The following ELOVL7 variants were observed in gnomAD, a reference collection of about 807,000 sequenced individuals.
ELOVL7 encodes very long chain fatty acid elongase 7.
Under a neutral mutation model 35.7 loss-of-function variants are expected in ELOVL7, and 27 were observed. That is an observed-to-expected ratio of 0.76 (90% CI 0.56 to 1.04). ELOVL7 has a LOEUF of 1.04. Among genes scored for constraint, ELOVL7 ranks in the 50% least tolerant of loss-of-function variants. The pLI is 0.00. For missense variants in ELOVL7, 327 were observed against 340.8 expected (o/e 0.96, Z 0.32); for synonymous variants, 113 against 114.6 (o/e 0.99, Z 0.09).
intron 1 of ELOVL7, among the ~76,000 whole-genome samples, chr5:60,807,447 T>C (rs1579887506): frequency 6.7e-6 from 1 of 148,866 alleles, no homozygotes; most frequent in South Asian, 2.1e-4. Flanking sequence ...TCAAAAACAC[T>C]GAGGGAAAGA....
intron 1 of ELOVL7, among the ~76,000 whole-genome samples, chr5:60,835,069 A>G (rs1162009299): frequency 1.3e-5 from 2 of 151,442 alleles, no homozygotes; most frequent in African/African-American, 4.9e-5. Flanking sequence ...ACACACCCGT[A>G]GTCCCAGTTA....
rs552024438 is a variant in ELOVL7, at chr5:60,816,503, TA to T, written c.-85-17274del. On this transcript the variant is annotated intron_variant, in intron 1 of 8. Transcript: ENST00000508821. ...AGGTGAACTCCTGGAGGGCAAAGAATAAATGTTATTTACCTATACCCCACCA... is the reference window on the plus strand; with the variant it reads ...AGGTGAACTCCTGGAGGGCAAAGAATAATGTTATTTACCTATACCCCACCA... Among the ~76,000 whole-genome samples the T allele has an allele frequency of 5.9e-5, 9 of 152,282 alleles. 1 individual carries two copies. In the South Asian group the frequency reaches 1.9e-3, roughly 32 times the overall value.
chr5:60,813,030 C>T lies in ELOVL7; in HGVS notation c.-85-13800G>A, dbSNP rs550750167. ...CTAACCTTTCATCCATGCCAGAGTC[C>T]ATTTTCTCCAACTGCCAATAAACAT... On this transcript the variant is annotated intron_variant, in intron 1 of 8. Transcript: ENST00000508821. Among the ~76,000 whole-genome samples, 4 of 152,270 alleles carry T rather than the reference C, an allele frequency of 2.6e-5. No individual in the cohort carries two copies. The South Asian group carries it at 8.3e-4, about 32-fold the overall frequency.
At chr5:60,794,312 A>G (rs1744115391) in intron 2 of ELOVL7, among the ~76,000 whole-genome samples, 1 of 152,246 alleles carries the variant, frequency 6.6e-6, no homozygotes, top group Non-Finnish European at 1.5e-5. Context: ...AGGGCAACCT[A>G]CCTGGAGACT....
At chr5:60,780,173 G>C (rs1363895231) in intron 3 of ELOVL7, among the ~76,000 whole-genome samples, 2 of 144,112 alleles carry the variant, frequency 1.4e-5, no homozygotes, top group African/African-American at 2.7e-5. Flanking sequence ...AGGCTGGAGT[G>C]CAACGGTACG....
chr5:60,841,023 C>CT lies in ELOVL7; in HGVS notation c.-86+3136dup, dbSNP rs59046428. 4.2e-3 allele frequency among the ~76,000 whole-genome samples: 529 copies of CT among 125,354 alleles called. 1 individual carries two copies. Among genetic ancestry groups the CT allele is most frequent in the South Asian group, 7.4e-3 (29 of 3,906 alleles). The allele number at this position is 125,354 out of a possible 152,430, so 82.2% of individuals were successfully genotyped here. Reference sequence around the variant, plus strand: ...CAGAATACTAAAAAAAATTACTTTCCTTTTTTTTTTTTTTTTTTTTTAAGA... The same window carrying CT: ...CAGAATACTAAAAAAAATTACTTTCCTTTTTTTTTTTTTTTTTTTTTTAAGA... On this transcript the variant is annotated intron_variant, in intron 1 of 8. Transcript: ENST00000508821.
rs1741401369 is a variant in ELOVL7, at chr5:60,754,285, T to C, written c.*339A>G. The C allele has an allele frequency of 4.8e-6, 1 of 207,726 alleles. No homozygotes were observed. Among genetic ancestry groups the C allele is most frequent in the Non-Finnish European group, 9.8e-6 (1 of 101,892 alleles). The allele number at this position is 207,726 out of a possible 1,614,324, so 12.9% of individuals were successfully genotyped here. On this transcript the variant is annotated 3_prime_UTR_variant, in exon 9 of 9. Transcript: ENST00000508821. ...TGTGCTCAAAATACCTAATGATATT[T>C]TTCATCTTTATTGGACTTCTTTGAA...
chr5:60,787,213 T>C, intron 3 of ELOVL7, 121 bp downstream of exon 3: 3 of 734,718 alleles, frequency 4.1e-6, no homozygotes, highest in Non-Finnish European at 6.7e-6. Context: ...CTTCGTTAAC[T>C]AGTAATAAGG....
chr5:60,840,341 G>A (rs1348425225), intron 1 of ELOVL7, among the ~76,000 whole-genome samples: 1 of 152,142 alleles, frequency 6.6e-6, no homozygotes, highest in Non-Finnish European at 1.5e-5. Flanking sequence ...GTTATGTGAA[G>A]ACACAGACAC....
intron 8 of ELOVL7, 39 bp downstream of exon 8, chr5:60,757,470 C>T (rs1216953155): frequency 2.0e-5 from 32 of 1,599,144 alleles, no homozygotes; most frequent in Non-Finnish European, 2.6e-5. Flanking sequence ...GTGACTCTAG[C>T]TGCTTCATAT....
chr5:60,828,085 C>G (rs1182950108), intron 1 of ELOVL7, among the ~76,000 whole-genome samples: 3 of 152,154 alleles, frequency 2.0e-5, no homozygotes, highest in Non-Finnish European at 2.9e-5. Flanking sequence ...CACCTCTCAC[C>G]AGGACCTTTG....
At chr5:60,827,180 T>C (rs1003927320) in intron 1 of ELOVL7, among the ~76,000 whole-genome samples, 4 of 152,252 alleles carry the variant, frequency 2.6e-5, no homozygotes, top group African/African-American at 7.2e-5. Flanking sequence ...GCATAATCTG[T>C]GTATACATTT....
At chr5:60,841,446 ACT>A (rs1488532892) in intron 1 of ELOVL7, among the ~76,000 whole-genome samples, 1 of 151,982 alleles carries the variant, frequency 6.6e-6, no homozygotes, top group Non-Finnish European at 1.5e-5. Context: ...GTGGGTCTGA[ACT>A]CTCTTCTTGG....
intron 4 of ELOVL7, among the ~76,000 whole-genome samples, chr5:60,770,053 GAAA>G (rs5868255): frequency 3.2e-5 from 4 of 126,404 alleles, no homozygotes; most frequent in Admixed American, 8.0e-5. Flanking sequence ...CCTTTCTGGT[GAAA>G]AAAAAAAAAA....
chr5:60,798,162 C>A (rs982749120), intron 2 of ELOVL7, among the ~76,000 whole-genome samples: 1 of 152,132 alleles, frequency 6.6e-6, no homozygotes, highest in African/African-American at 2.4e-5. Context: ...TCAGGACCTC[C>A]TGAGGCTGTG....
Position 60,754,461 on chromosome 5 carries a change from T to A in ELOVL7, c.*163A>T. ...GGCTCTAATTATCAGAAGACTGTTA[T>A]CTGGAAGCTTCGGGCTCTCAAATAT... On this transcript the variant is annotated 3_prime_UTR_variant, in exon 9 of 9. Coordinates refer to ENST00000508821, the MANE Select transcript of ELOVL7 (RefSeq NM_024930.3). 1 of 633,058 alleles carries A rather than the reference T, an allele frequency of 1.6e-6. No individual in the cohort carries two copies. The highest frequency in any genetic ancestry group is 3.0e-5 in the Admixed American group (1 of 33,382). The allele number at this position is 633,058 out of a possible 1,614,324, so 39.2% of individuals were successfully genotyped here.
chr5:60,776,205 C>T (rs1012123699), intron 3 of ELOVL7, among the ~76,000 whole-genome samples: 7 of 152,044 alleles, frequency 4.6e-5, no homozygotes, highest in Admixed American at 4.6e-4. Flanking sequence ...AAGCGGCCAA[C>T]AAACATTAAA....
intron 1 of ELOVL7, 25 bp from the exon 2 acceptor site, chr5:60,799,255 T>A (rs1205850450): frequency 6.6e-6 from 1 of 151,512 alleles, no homozygotes; most frequent in Non-Finnish European, 1.5e-5. Context: ...AAAAAAAACT[T>A]CAAATAAATA....
At chr5:60,778,606 C>T (rs1195251983) in intron 3 of ELOVL7, among the ~76,000 whole-genome samples, 2 of 152,136 alleles carry the variant, frequency 1.3e-5, no homozygotes, top group Non-Finnish European at 2.9e-5. Flanking sequence ...AAACTGTACC[C>T]ATGATTCACT....
Sources: gnomAD v4.1 joint callset for allele counts (sites outside exome capture counted in the v4.1 genomes callset) on GRCh38, gnomAD v4.1.1 for gene constraint, MANE v1.5 for transcripts, NCBI Gene and HGNC (gene_info 2026-07-23, HGNC 2026-07-21) for gene names.